Variants in RANBP10 observed in about 807,000 individuals in gnomAD.
The protein encoded by RANBP10 is ran-binding protein 10.
A neutral mutation model predicts 72.8 loss-of-function variants in RANBP10; 24 were observed. That is an observed-to-expected ratio of 0.33 (90% CI 0.24 to 0.46). RANBP10 has a LOEUF of 0.46. Ranked by LOEUF, RANBP10 falls within the 20% of genes least tolerant of loss-of-function variation. RANBP10 has a pLI of 1.00. For synonymous variants in RANBP10, 310 were observed against 322.3 expected (o/e 0.96, Z 0.41); for missense variants, 679 against 817.5 (o/e 0.83, Z 2.07).
At position 67,727,321 on chromosome 16, in the gene RANBP10, A is replaced by G. The variant is rs1303727773; in HGVS notation, c.1732+6T>C. Reference sequence around the variant, plus strand: ...TCTAATAATAATAATAAATAGATTCACTCACCTAAAATGGCGCTGTTGAGG... The same window carrying G: ...TCTAATAATAATAATAAATAGATTCGCTCACCTAAAATGGCGCTGTTGAGG... On this transcript the variant is annotated splice_donor_region_variant and intron_variant, in intron 13 of 13. Coordinates refer to ENST00000317506, the MANE Select transcript of RANBP10 (RefSeq NM_020850.3). 1 of 1,602,286 alleles carries G rather than the reference A, an allele frequency of 6.2e-7. No homozygotes were observed. Among genetic ancestry groups the G allele is most frequent in the East Asian group, 2.2e-5 (1 of 44,800 alleles).
At chr16:67,770,878 C>A (rs1015121465) in intron 3 of RANBP10, among the ~76,000 whole-genome samples, 57 of 152,156 alleles carry the variant, frequency 3.7e-4, no homozygotes, top group African/African-American at 1.3e-3. Flanking sequence ...GTTGAGCCAA[C>A]CAGAAGGTTG....
At chr16:67,798,849 G>A (rs1026628889) in intron 2 of RANBP10, among the ~76,000 whole-genome samples, 4 of 152,070 alleles carry the variant, frequency 2.6e-5, no homozygotes, top group Non-Finnish European at 2.9e-5. Context: ...CAAAAGCATG[G>A]GTAGATCCAC....
intron 3 of RANBP10, among the ~76,000 whole-genome samples, chr16:67,769,089 T>C (rs1293495725): frequency 2.0e-5 from 3 of 152,162 alleles, no homozygotes; most frequent in Non-Finnish European, 4.4e-5. Context: ...ATCATATATT[T>C]CCATGCTTTA....
At chr16:67,758,624 C>T (rs2054335086) in intron 3 of RANBP10, among the ~76,000 whole-genome samples, 1 of 152,214 alleles carries the variant, frequency 6.6e-6, no homozygotes, top group African/African-American at 2.4e-5. Context: ...GTGGCCTCAG[C>T]CTCACCCAGT....
intron 3 of RANBP10, among the ~76,000 whole-genome samples, chr16:67,761,563 ATATTTTT>A (rs1406377749): frequency 1.6e-4 from 25 of 152,096 alleles, no homozygotes; most frequent in African/African-American, 3.9e-4. Flanking sequence ...AAACATTTAT[ATATTTTT>A]TATTTTTTAT....
At chr16:67,784,772 T>C (rs1340074170) in intron 2 of RANBP10, among the ~76,000 whole-genome samples, 1 of 151,148 alleles carries the variant, frequency 6.6e-6, no homozygotes, top group South Asian at 2.1e-4. Flanking sequence ...TAAGCCGAGA[T>C]TGAGCCATTG....
intron 2 of RANBP10, among the ~76,000 whole-genome samples, chr16:67,789,646 T>C (rs1212938023): frequency 6.6e-6 from 1 of 151,594 alleles, no homozygotes; most frequent in East Asian, 2.0e-4. Flanking sequence ...ATTTTTTGTA[T>C]TTTTAGTAGA....
intron 3 of RANBP10, among the ~76,000 whole-genome samples, chr16:67,751,759 T>C (rs998337802): frequency 2.0e-5 from 3 of 151,862 alleles, no homozygotes; most frequent in Non-Finnish European, 4.4e-5. Context: ...CTACTAAAAA[T>C]ACAAAAATTA....
chr16:67,789,766 C>G (rs958915372), intron 2 of RANBP10, among the ~76,000 whole-genome samples: 8 of 151,748 alleles, frequency 5.3e-5, no homozygotes, highest in Non-Finnish European at 1.0e-4. Flanking sequence ...CCACCATGCC[C>G]AGACAACCAT....
At chr16:67,742,484 A>G (rs1234101837) in intron 4 of RANBP10, among the ~76,000 whole-genome samples, 1 of 152,196 alleles carries the variant, frequency 6.6e-6, no homozygotes, top group Non-Finnish European at 1.5e-5. Context: ...GAGGTCTTGG[A>G]TGGGGGTCTA....
In RANBP10 at chr16:67,793,855, ATTTATT is replaced by A. The variant is rs971845812; in HGVS notation, c.347+11567_347+11572del. ...ACCTGCATCTCTCTATCCCTCTGCT[ATTTATT>A]TTTATTTTTTATTTTATTTATTTAT... On this transcript the variant is annotated intron_variant, in intron 2 of 13. Coordinates refer to ENST00000317506, the MANE Select transcript of RANBP10 (RefSeq NM_020850.3). Among the ~76,000 whole-genome samples, 10 of 151,906 alleles carry A rather than the reference ATTTATT, an allele frequency of 6.6e-5. No individual in the cohort carries two copies. In the East Asian group the frequency reaches 1.5e-3, roughly 23 times the overall value.
At position 67,801,127 on chromosome 16, in the gene RANBP10, A is replaced by G. The variant is rs556661407; in HGVS notation, c.347+4301T>C. ...ATTGTCAAAACAAAGGACGTTCTGG[A>G]GAACAATGACACTAACAACTGGGTT... is the stretch of plus-strand genomic sequence containing the variant. On this transcript the variant is annotated intron_variant, in intron 2 of 13. Transcript: ENST00000317506. Among the ~76,000 whole-genome samples, 10 of 152,330 alleles carry G rather than the reference A, an allele frequency of 6.6e-5. No homozygotes were observed. In the East Asian group the frequency reaches 1.9e-3, roughly 29 times the overall value.
intron 4 of RANBP10, chr16:67,738,809 A>C (rs947301013): frequency 6.6e-6 from 1 of 152,162 alleles, no homozygotes; most frequent in Non-Finnish European, 1.5e-5. Context: ...GCCTGGCCAG[A>C]AGTGAAATCA....
intron 2 of RANBP10, among the ~76,000 whole-genome samples, chr16:67,779,725 A>G (rs1168980895): frequency 1.3e-5 from 2 of 152,202 alleles, no homozygotes; most frequent in East Asian, 3.8e-4. Context: ...CATGTCATCA[A>G]CAAAAATGCC....
chr16:67,790,866 A>AT (rs2055011352), intron 2 of RANBP10, among the ~76,000 whole-genome samples: 1 of 150,658 alleles, frequency 6.6e-6, no homozygotes, highest in African/African-American at 2.5e-5. Flanking sequence ...TGCCTGGCTA[A>AT]TTTTTGTATT....
intron 3 of RANBP10, among the ~76,000 whole-genome samples, chr16:67,766,327 G>T (rs1264845723): frequency 6.6e-6 from 1 of 152,158 alleles, no homozygotes; most frequent in Non-Finnish European, 1.5e-5. Context: ...AAGGGATTCC[G>T]ACTTCAAAAC....
intron 10 of RANBP10, among the ~76,000 whole-genome samples, chr16:67,728,960 A>C (rs2053666212): frequency 1.3e-5 from 2 of 152,232 alleles, no homozygotes; most frequent in Non-Finnish European, 2.9e-5. Flanking sequence ...GGCTGTCTAC[A>C]AGCCAGAGCC....
At chr16:67,767,797 C>T (rs1268805963) in intron 3 of RANBP10, among the ~76,000 whole-genome samples, 1 of 151,956 alleles carries the variant, frequency 6.6e-6, no homozygotes, top group South Asian at 2.1e-4. Context: ...GGGATTTCAC[C>T]GTGTTAGCCA....
At chr16:67,736,184 G>A (rs967554276) in intron 5 of RANBP10, among the ~76,000 whole-genome samples, 4 of 151,344 alleles carry the variant, frequency 2.6e-5, no homozygotes, top group Middle Eastern at 3.4e-3. Context: ...TTTTTGAGAC[G>A]GAGTTTCGCT....
Sources: gnomAD v4.1 joint callset for allele counts (sites outside exome capture counted in the v4.1 genomes callset) on GRCh38, gnomAD v4.1.1 for gene constraint, MANE v1.5 for transcripts, NCBI Gene and HGNC (gene_info 2026-07-23, HGNC 2026-07-21) for gene names.